The following RPTOR variants were observed in gnomAD, a reference collection of about 807,000 sequenced individuals.
RPTOR encodes the protein regulatory associated protein of MTOR complex 1.
In RPTOR, 21 loss-of-function variants were observed where a neutral mutation model predicts 169.9. That is an observed-to-expected ratio of 0.12 (90% CI 0.09 to 0.18). The LOEUF (loss-of-function observed/expected upper bound fraction) is 0.18. Among genes scored for constraint, RPTOR ranks in the 10% least tolerant of loss-of-function variants. RPTOR has a pLI of 1.00. For synonymous variants in RPTOR, 732 were observed against 753.2 expected, an observed-to-expected ratio of 0.97 and a Z score of 0.46; for missense variants, 1,133 against 1,855.9, an observed-to-expected ratio of 0.61 and a Z score of 7.16.
rs1346114978 is a variant in RPTOR at position 80,961,400 on chromosome 17, C to T, written c.3612C>T (p.Val1204=). The T allele has an allele frequency of 6.5e-7, 1 of 1,549,082 alleles. No individual in the cohort carries two copies. The highest frequency in any genetic ancestry group is 1.4e-5 in the African/African-American group (1 of 73,188). ...DRRMALSECR[V]MTYREHTAWV... is the part of the protein sequence containing the mutation. ...CGTGCCCCCTCCCCTACAGCCGCGT[C>T]ATGACGTACCGGGAGCACACAGCCT... is the stretch of plus-strand genomic sequence containing the variant. The change falls in exon 31 of 34, where the codon GTC becomes GTT. Residue 1204 remains valine (V), a synonymous_variant. Transcript: ENST00000306801.
chr17:80,674,581 G>A (rs1182770436), intron 3 of RPTOR, among the ~76,000 whole-genome samples: 2 of 151,984 alleles, frequency 1.3e-5, no homozygotes, highest in African/African-American at 2.4e-5. Flanking sequence ...CTAAAATCTC[G>A]CCACCACGCC....
At chr17:80,848,448 G>T (rs1237148554) in intron 11 of RPTOR, among the ~76,000 whole-genome samples, 1 of 152,256 alleles carries the variant, frequency 6.6e-6, no homozygotes, top group Non-Finnish European at 1.5e-5. Flanking sequence ...ACAGGGTGAG[G>T]TGTAAACAAA....
chr17:80,822,145 C>T (rs1156663021), intron 7 of RPTOR, 56 bp from the exon 8 acceptor site: 19 of 1,542,454 alleles, frequency 1.2e-5, no homozygotes, highest in Middle Eastern at 3.4e-4. Context: ...ACCTCTCTTC[C>T]ATTCCCTGCT....
At chr17:80,913,548 G>A (rs2068636941) in intron 21 of RPTOR, among the ~76,000 whole-genome samples, 1 of 152,064 alleles carries the variant, frequency 6.6e-6, no homozygotes, top group Non-Finnish European at 1.5e-5. Context: ...GACCTCCTGG[G>A]CTCAAGCGAT....
rs558109611 is a variant in RPTOR at position 80,799,583 on chromosome 17, A to G, written c.890+8074A>G. ...AGGACGACGTTGGTTCCTGGGTCCCACCTGACTAGTGTGACGAGTCACGTG... is the reference window on the plus strand; with the variant it reads ...AGGACGACGTTGGTTCCTGGGTCCCGCCTGACTAGTGTGACGAGTCACGTG... On this transcript the variant is annotated intron_variant, in intron 7 of 33. Coordinates refer to ENST00000306801, the MANE Select transcript of RPTOR (RefSeq NM_020761.3). Among the ~76,000 whole-genome samples, 4 of 152,276 alleles carry G rather than the reference A, an allele frequency of 2.6e-5. No homozygotes were observed. In the South Asian group the frequency reaches 6.2e-4, roughly 24 times the overall value.
chr17:80,745,047 G>C (rs1279959499), intron 5 of RPTOR, among the ~76,000 whole-genome samples: 1 of 152,106 alleles, frequency 6.6e-6, no homozygotes, highest in Non-Finnish European at 1.5e-5. Flanking sequence ...ACTGCCCAAA[G>C]AATATGCCAT....
chr17:80,624,047 C>T (rs1381029105), intron 1 of RPTOR, among the ~76,000 whole-genome samples: 2 of 152,002 alleles, frequency 1.3e-5, no homozygotes, highest in African/African-American at 2.4e-5. Context: ...TAGCTGGGAC[C>T]GCAGGTGTGC....
intron 3 of RPTOR, among the ~76,000 whole-genome samples, chr17:80,705,789 G>A (rs531856793): frequency 1.4e-4 from 21 of 152,104 alleles, no homozygotes; most frequent in Non-Finnish European, 2.5e-4. Flanking sequence ...TTCCACCGTG[G>A]CCTCCGAAAT....
chr17:80,726,366 C>T lies in RPTOR; in HGVS notation c.508-4194C>T, dbSNP rs147786944. ...AGGACCCTGCCGGTAACCTGGTGCT[C>T]GCCGCCCACAGATCACGGGGCGTGG... is the stretch of plus-strand genomic sequence containing the variant. On this transcript the variant is annotated intron_variant, in intron 4 of 33. Coordinates refer to ENST00000306801, the MANE Select transcript of RPTOR (RefSeq NM_020761.3). The surrounding 1 kb of genome is among the most constrained non-coding windows in gnomAD (Gnocchi z 4.5). Among the ~76,000 whole-genome samples, 3 of 152,328 alleles carry T rather than the reference C, an allele frequency of 2.0e-5. No individual in the cohort carries two copies. Among genetic ancestry groups the T allele is most frequent in the Non-Finnish European group, 2.9e-5 (2 of 68,024 alleles).
chr17:80,689,293 G>A (rs940173855), intron 3 of RPTOR, among the ~76,000 whole-genome samples: 2 of 152,174 alleles, frequency 1.3e-5, no homozygotes, highest in African/African-American at 2.4e-5. Flanking sequence ...CTTGGAGTCC[G>A]CATGATAAAT....
intron 1 of RPTOR, among the ~76,000 whole-genome samples, chr17:80,552,500 T>G (rs1485392941): frequency 6.6e-6 from 1 of 152,172 alleles, no homozygotes; most frequent in Non-Finnish European, 1.5e-5. Context: ...TCTCCCTACT[T>G]CCTCCTGGAG....
rs2069323895 is a variant in RPTOR, at chr17:80,960,607, G to A, written c.3605+402G>A. Among the ~76,000 whole-genome samples the A allele has an allele frequency of 6.6e-6, 1 of 152,176 alleles. No homozygotes were observed. Among genetic ancestry groups the A allele is most frequent in the Non-Finnish European group, 1.5e-5 (1 of 68,048 alleles). The stretch of plus-strand genomic sequence containing the variant: ...GGTCATGCAGCAAGTGTCTGGGGAG[G>A]GATGTCTGAGGGCACACACGTGGGC... On this transcript the variant is annotated intron_variant, in intron 30 of 33. Coordinates refer to ENST00000306801, the MANE Select transcript of RPTOR (RefSeq NM_020761.3). This position sits in a 1 kb window ranked among gnomAD's most constrained non-coding sequence, Gnocchi z 4.8.
At chr17:80,790,906 C>T (rs988745561) in intron 6 of RPTOR, among the ~76,000 whole-genome samples, 1 of 152,204 alleles carries the variant, frequency 6.6e-6, no homozygotes, top group Non-Finnish European at 1.5e-5. Context: ...CTCCTGTTGG[C>T]GCCACGTTAG....
intron 1 of RPTOR, among the ~76,000 whole-genome samples, chr17:80,567,794 A>AAAAT (rs1298332076): frequency 1.2e-4 from 16 of 134,652 alleles, no homozygotes; most frequent in South Asian, 2.7e-4. Context: ...TCTGTATCAA[A>AAAAT]AAATAAATAA....
chr17:80,821,709 A>C (rs2067380778), intron 7 of RPTOR, among the ~76,000 whole-genome samples: 1 of 152,192 alleles, frequency 6.6e-6, no homozygotes, highest in South Asian at 2.1e-4. Context: ...GCGCGCTGGC[A>C]ATCCCCACAT....
intron 1 of RPTOR, among the ~76,000 whole-genome samples, chr17:80,592,914 G>A (rs924423397): frequency 2.0e-5 from 3 of 152,156 alleles, no homozygotes; most frequent in African/African-American, 4.8e-5. Context: ...CAGTGCTGTC[G>A]GAGTCTTAGT....
At chr17:80,917,052 A>G (rs2068681637) in intron 21 of RPTOR, among the ~76,000 whole-genome samples, 1 of 152,144 alleles carries the variant, frequency 6.6e-6, no homozygotes, top group South Asian at 2.1e-4. Flanking sequence ...CAAAGCACCA[A>G]ACATCCTAAG....
intron 6 of RPTOR, among the ~76,000 whole-genome samples, chr17:80,780,291 G>A (rs373938678): frequency 3.9e-5 from 6 of 152,176 alleles, no homozygotes; most frequent in Admixed American, 6.5e-5. Context: ...AACTGGAGCC[G>A]TCGGTGGAGA....
At chr17:80,919,740 C>T (rs2068722359) in intron 21 of RPTOR, among the ~76,000 whole-genome samples, 1 of 152,208 alleles carries the variant, frequency 6.6e-6, no homozygotes, top group African/African-American at 2.4e-5. Context: ...GAGCATTCGA[C>T]TGTTAGCAAA....
Sources: gnomAD v4.1 joint callset for allele counts (sites outside exome capture counted in the v4.1 genomes callset) on GRCh38, gnomAD v4.1.1 for gene constraint, Gnocchi (gnomAD v3.1) non-coding constraint, MANE v1.5 for transcripts, NCBI Gene and HGNC (gene_info 2026-07-23, HGNC 2026-07-21) for gene names.